RBFOX1: variants seen among roughly 807,000 people sequenced by gnomAD.
RBFOX1 encodes the protein RNA binding fox-1 homolog 1, also known as RNA binding protein fox-1 homolog 1.
A neutral mutation model predicts 57.7 loss-of-function variants in RBFOX1; 8 were observed. The ratio of observed to expected loss-of-function variants is 0.14; its 90% CI spans 0.08 to 0.25. The LOEUF is 0.25. RBFOX1 is among the 10% of genes least tolerant of loss of function. RBFOX1 has a pLI of 1.00. For synonymous variants in RBFOX1, 326 were observed against 222.4 expected, an observed-to-expected ratio of 1.47 and a Z score of -4.15; for missense variants, 611 against 548.5, an observed-to-expected ratio of 1.11 and a Z score of -1.14.
At chr16:6,513,644 G>A (rs1045857219) in intron 2 of RBFOX1, among the ~76,000 whole-genome samples, 2 of 152,176 alleles carry the variant, frequency 1.3e-5, no homozygotes, top group Non-Finnish European at 1.5e-5. Context: ...CGAGGCAGAA[G>A]AATCACTTGA....
At chr16:7,140,187 T>TCTCTCTCTCC (rs2073341884) in intron 4 of RBFOX1, among the ~76,000 whole-genome samples, 1 of 144,912 alleles carries the variant, frequency 6.9e-6, no homozygotes, top group Non-Finnish European at 1.5e-5. Flanking sequence ...TCTCTCTCTC[T>TCTCTCTCTCC]CTCTCTCCCT....
chr16:6,659,541 G>T (rs1043647498), intron 3 of RBFOX1, among the ~76,000 whole-genome samples: 1 of 152,038 alleles, frequency 6.6e-6, no homozygotes, highest in Non-Finnish European at 1.5e-5. Flanking sequence ...TGTTTTACAG[G>T]TAAAATAAAG....
intron 2 of RBFOX1, among the ~76,000 whole-genome samples, chr16:5,471,974 C>T (rs373497364): frequency 5.9e-5 from 9 of 152,260 alleles, no homozygotes; most frequent in East Asian, 1.9e-4. Context: ...GTCACCTCCC[C>T]GACAGATGAA....
At chr16:6,375,447 A>G (rs1322248605) in intron 2 of RBFOX1, among the ~76,000 whole-genome samples, 3 of 151,878 alleles carry the variant, frequency 2.0e-5, no homozygotes, top group Non-Finnish European at 4.4e-5. Context: ...GGATGAAGCC[A>G]AAAGAAGAAA....
At chr16:7,380,205 T>G (rs2097762793) in intron 4 of RBFOX1, among the ~76,000 whole-genome samples, 1 of 152,170 alleles carries the variant, frequency 6.6e-6, no homozygotes, top group Non-Finnish European at 1.5e-5. Flanking sequence ...CTATATCACA[T>G]CATGATTTTA....
chr16:7,072,446 G>A (rs1348400345), intron 4 of RBFOX1, among the ~76,000 whole-genome samples: 2 of 152,142 alleles, frequency 1.3e-5, no homozygotes, highest in Admixed American at 1.3e-4. Context: ...AAGGGTAAGA[G>A]AATGCTTATT....
At chr16:6,739,413 A>G (rs1383324689) in intron 3 of RBFOX1, among the ~76,000 whole-genome samples, 1 of 152,048 alleles carries the variant, frequency 6.6e-6, no homozygotes, top group African/African-American at 2.4e-5. Flanking sequence ...TTCACCCAAT[A>G]TGCAATAGAT....
intron 3 of RBFOX1, among the ~76,000 whole-genome samples, chr16:6,659,191 C>T (rs1890829670): frequency 6.6e-6 from 1 of 152,046 alleles, no homozygotes; most frequent in Admixed American, 6.5e-5. Context: ...AGAGGAGAGG[C>T]TGATGGATCA....
chr16:7,710,551 A>T lies in RBFOX1; in HGVS notation c.1072-72A>T, dbSNP rs183218862. The T allele has an allele frequency of 3.0e-5, 47 of 1,591,224 alleles. No individual in the cohort carries two copies. The East Asian group carries it at 1.0e-3, about 34-fold the overall frequency. ...GTTTTGAGTGTCTATTTTTCACATT[A>T]GTCTTTTTGATGATCCACATGTTGC... On this transcript the variant is annotated intron_variant, in intron 15 of 15. Transcript: ENST00000550418.
At chr16:5,753,824 A>G (rs1453379033) in intron 3 of RBFOX1, among the ~76,000 whole-genome samples, 2 of 151,998 alleles carry the variant, frequency 1.3e-5, no homozygotes, top group Non-Finnish European at 1.5e-5. Flanking sequence ...ACAAATAAGT[A>G]GAGAGCTGTG....
chr16:7,697,224 T>A (rs1056135540), intron 14 of RBFOX1, among the ~76,000 whole-genome samples: 1 of 152,102 alleles, frequency 6.6e-6, no homozygotes, highest in Non-Finnish European at 1.5e-5. Context: ...GGGGTGGCTG[T>A]GGGTGAGAAG....
At chr16:6,074,588 G>A (rs190243952) in intron 1 of RBFOX1, among the ~76,000 whole-genome samples, 33 of 152,192 alleles carry the variant, frequency 2.2e-4, no homozygotes, top group African/African-American at 6.8e-4. Context: ...GTGAAATGGG[G>A]TCTTGCAGTG....
intron 4 of RBFOX1, among the ~76,000 whole-genome samples, chr16:7,299,220 C>G (rs1284829722): frequency 6.6e-6 from 1 of 152,102 alleles, no homozygotes; most frequent in African/African-American, 2.4e-5. Flanking sequence ...TATTGATAGG[C>G]ATTTTATTCG....
At chr16:5,260,514 T>C (rs2062707343) in intron 1 of RBFOX1, among the ~76,000 whole-genome samples, 1 of 152,198 alleles carries the variant, frequency 6.6e-6, no homozygotes, top group South Asian at 2.1e-4. Context: ...CTCAGATAAA[T>C]GTAGTTTTTT....
At chr16:7,050,009 C>T (rs2049442064) in intron 3 of RBFOX1, among the ~76,000 whole-genome samples, 1 of 152,194 alleles carries the variant, frequency 6.6e-6, no homozygotes, top group Admixed American at 6.5e-5. Flanking sequence ...AGTCACTCCT[C>T]CTTTTCCATT....
intron 1 of RBFOX1, among the ~76,000 whole-genome samples, chr16:6,125,471 C>G (rs1395917516): frequency 1.3e-5 from 2 of 152,160 alleles, no homozygotes; most frequent in Non-Finnish European, 1.5e-5. Flanking sequence ...CAGCCTCATA[C>G]ACATTTGCTC....
intron 2 of RBFOX1, among the ~76,000 whole-genome samples, chr16:5,577,384 C>G (rs1216781557): frequency 2.0e-5 from 3 of 152,066 alleles, no homozygotes; most frequent in African/African-American, 7.2e-5. Flanking sequence ...ACCTCCTCAC[C>G]TCAACATTTT....
intron 3 of RBFOX1, among the ~76,000 whole-genome samples, chr16:6,698,065 T>A (rs1265709045): frequency 1.3e-5 from 2 of 152,346 alleles, no homozygotes; most frequent in Non-Finnish European, 2.9e-5. Flanking sequence ...GCACACTGTC[T>A]GTGAATTTGG....
intron 1 of RBFOX1, among the ~76,000 whole-genome samples, chr16:5,387,551 A>G (rs1411661344): frequency 6.6e-6 from 1 of 152,190 alleles, no homozygotes; most frequent in Non-Finnish European, 1.5e-5. Context: ...TTTAAAGGGA[A>G]TTCCTGATAT....
Sources: allele counts gnomAD v4.1 joint callset (sites outside exome capture counted in the v4.1 genomes callset), GRCh38; gene constraint gnomAD v4.1.1; transcripts MANE v1.5; gene names NCBI Gene and HGNC (gene_info 2026-07-23, HGNC 2026-07-21).